Variants in RBFOX1 observed in about 807,000 individuals in gnomAD.
RBFOX1 encodes the protein RNA binding fox-1 homolog 1.
In RBFOX1, 8 loss-of-function variants were observed where a neutral mutation model predicts 57.7. The ratio of observed to expected loss-of-function variants is 0.14; its 90% CI spans 0.08 to 0.25. RBFOX1 has a LOEUF of 0.25. Ranked by LOEUF, RBFOX1 falls within the 10% of genes least tolerant of loss-of-function variation. RBFOX1 has a pLI of 1.00. For missense variants in RBFOX1, 611 were observed against 548.5 expected, an observed-to-expected ratio of 1.11 and a Z score of -1.14; for synonymous variants, 326 against 222.4, an observed-to-expected ratio of 1.47 and a Z score of -4.15.
At chr16:6,002,240 G>T (rs1008224941) in intron 4 of RBFOX1, among the ~76,000 whole-genome samples, 3 of 152,128 alleles carry the variant, frequency 2.0e-5, no homozygotes, top group Non-Finnish European at 4.4e-5. Flanking sequence ...GCCTGCCAAA[G>T]TTCTCATTTT....
At chr16:5,414,062 C>A (rs2067094951) in intron 1 of RBFOX1, among the ~76,000 whole-genome samples, 1 of 152,162 alleles carries the variant, frequency 6.6e-6, no homozygotes, top group South Asian at 2.1e-4. Context: ...AGAATGGTGG[C>A]CTCTTCTTTG....
chr16:7,675,604 T>A (rs897084359), intron 13 of RBFOX1, among the ~76,000 whole-genome samples: 5 of 152,238 alleles, frequency 3.3e-5, no homozygotes, highest in African/African-American at 1.2e-4. Context: ...GAGACCCGTG[T>A]ACCTACATCT....
intron 3 of RBFOX1, among the ~76,000 whole-genome samples, chr16:5,681,900 A>G (rs2050351039): frequency 6.6e-6 from 1 of 152,066 alleles, no homozygotes; most frequent in African/African-American, 2.4e-5. Flanking sequence ...TCTGAGATGA[A>G]TCTGGAAGGA....
chr16:6,198,315 C>T (rs2097193561), intron 1 of RBFOX1, among the ~76,000 whole-genome samples: 1 of 152,190 alleles, frequency 6.6e-6, no homozygotes, highest in Admixed American at 6.5e-5. Flanking sequence ...ATCAGCAAGA[C>T]TTGATGACAA....
At chr16:6,676,292 G>A (rs146926662) in intron 3 of RBFOX1, among the ~76,000 whole-genome samples, 200 of 152,240 alleles carry the variant, frequency 1.3e-3, no homozygotes, top group Non-Finnish European at 1.9e-3. Context: ...GGTGTGTGGA[G>A]AAAGTGGATA....
At chr16:5,346,956 A>T (rs953019035) in intron 1 of RBFOX1, among the ~76,000 whole-genome samples, 2 of 151,936 alleles carry the variant, frequency 1.3e-5, no homozygotes, top group African/African-American at 4.8e-5. Flanking sequence ...TTGTTCACTG[A>T]TATCTGGCTT....
intron 3 of RBFOX1, among the ~76,000 whole-genome samples, chr16:6,985,024 G>A (rs1377436871): frequency 1.4e-5 from 2 of 147,536 alleles, no homozygotes; most frequent in Admixed American, 1.3e-4. Flanking sequence ...GAAATATCCT[G>A]GCTTTGCTGG....
intron 1 of RBFOX1, among the ~76,000 whole-genome samples, chr16:6,274,967 T>G (rs1438313705): frequency 6.6e-6 from 1 of 152,060 alleles, no homozygotes; most frequent in Non-Finnish European, 1.5e-5. Flanking sequence ...ACTGATACCG[T>G]GTGCTGTGAA....
At chr16:6,790,256 C>G (rs1282190875) in intron 3 of RBFOX1, among the ~76,000 whole-genome samples, 3 of 151,368 alleles carry the variant, frequency 2.0e-5, no homozygotes, top group East Asian at 1.9e-4. Context: ...ACAATTTTAG[C>G]TTAGTGCAAC....
intron 5 of RBFOX1, among the ~76,000 whole-genome samples, chr16:7,554,535 A>G (rs2087675382): frequency 6.6e-6 from 1 of 152,186 alleles, no homozygotes; most frequent in Admixed American, 6.5e-5. Flanking sequence ...TAGCTTCTCT[A>G]GATCTGCTTC....
chr16:5,503,779 A>G (rs1459733067), intron 2 of RBFOX1, among the ~76,000 whole-genome samples: 2 of 152,098 alleles, frequency 1.3e-5, no homozygotes, highest in Non-Finnish European at 2.9e-5. Flanking sequence ...AAGTTGTGCA[A>G]CCATCTCCAC....
chr16:7,134,472 G>A (rs377445370), intron 4 of RBFOX1, among the ~76,000 whole-genome samples: 6 of 152,136 alleles, frequency 3.9e-5, no homozygotes, highest in African/African-American at 1.4e-4. Context: ...TTCCAGTTTG[G>A]ACTCACAGTC....
At chr16:7,024,212 A>G (rs1432173840) in intron 3 of RBFOX1, among the ~76,000 whole-genome samples, 4 of 152,140 alleles carry the variant, frequency 2.6e-5, no homozygotes, top group Admixed American at 6.5e-5. Flanking sequence ...ATTGCACCTT[A>G]ATTTACAGCA....
At chr16:5,959,630 T>C (rs1019708322) in intron 4 of RBFOX1, among the ~76,000 whole-genome samples, 2 of 152,162 alleles carry the variant, frequency 1.3e-5, no homozygotes, top group East Asian at 1.9e-4. Context: ...TGAGTTTGGA[T>C]TGAATTTTAA....
At chr16:7,308,009 T>G (rs769802644) in intron 4 of RBFOX1, among the ~76,000 whole-genome samples, 10 of 152,250 alleles carry the variant, frequency 6.6e-5, no homozygotes, top group Non-Finnish European at 1.3e-4. Flanking sequence ...CCATTCTTGC[T>G]TTGAGGAATA....
chr16:7,522,729 G>C (rs549195305), intron 5 of RBFOX1, among the ~76,000 whole-genome samples: 1 of 152,256 alleles, frequency 6.6e-6, no homozygotes, highest in South Asian at 2.1e-4. Context: ...GGGAATAATG[G>C]TGCAGGAAAG....
At chr16:6,394,975 G>A (rs1010517088) in intron 2 of RBFOX1, among the ~76,000 whole-genome samples, 1 of 152,158 alleles carries the variant, frequency 6.6e-6, no homozygotes, top group African/African-American at 2.4e-5. Context: ...TATTATTATT[G>A]CCCTTGATGT....
intron 3 of RBFOX1, among the ~76,000 whole-genome samples, chr16:6,994,004 G>T (rs1050354620): frequency 1.5e-4 from 23 of 152,244 alleles, no homozygotes; most frequent in Admixed American, 8.5e-4. Context: ...AGAAGTATGT[G>T]GTTTAATTAC....
At chr16:6,631,856 CT>C (rs1025984738) in intron 2 of RBFOX1, among the ~76,000 whole-genome samples, 14 of 151,878 alleles carry the variant, frequency 9.2e-5, no homozygotes, top group Admixed American at 8.5e-4. Flanking sequence ...TGGCCACAAA[CT>C]TAATGCATTT....
Sources: gnomAD v4.1 joint callset for allele counts (sites outside exome capture counted in the v4.1 genomes callset) on GRCh38, gnomAD v4.1.1 for gene constraint, MANE v1.5 for transcripts, NCBI Gene and HGNC (gene_info 2026-07-23, HGNC 2026-07-21) for gene names.